Variants in RPL13 observed in about 807,000 individuals in gnomAD.
The protein encoded by RPL13 is ribosomal protein L13.
Under a neutral mutation model 21.4 loss-of-function variants are expected in RPL13, and 1 was observed. The observed-to-expected ratio is 0.05, with a 90% CI of 0.02 to 0.22. The LOEUF is 0.22. Ranked by LOEUF, RPL13 falls within the 10% of genes least tolerant of loss-of-function variation. The pLI is 1.00. For missense variants in RPL13, 289 were observed against 303.0 expected (o/e 0.95, Z 0.34); for synonymous variants, 143 against 120.5 (o/e 1.19, Z -1.23).
rs142209311 is a variant in RPL13 at position 89,560,986 on chromosome 16, C to G, written c.27C>G (p.Val9=). 1 of 1,607,328 alleles carries G rather than the reference C, an allele frequency of 6.2e-7. No individual in the cohort carries two copies. The highest frequency in any genetic ancestry group is 8.5e-7 in the Non-Finnish European group (1 of 1,178,400). MAPSRNGM[V]LKPHFHKDWQ... ...TGGCGCCCAGCCGGAATGGCATGGT[C>G]TTGAAGCCCCACTTCCACAAGGACT... The change falls in exon 2 of 6, where the codon GTC becomes GTG. Residue 9 remains valine, a synonymous_variant. Transcript: ENST00000311528.
At chr16:89,566,101 T>C (rs1018175160), downstream of RPL13, 1 of 152,068 alleles carries the variant, frequency 6.6e-6, no homozygotes, top group African/African-American at 2.4e-5. Context: ...GAAGCGTTGG[T>C]TTTACGGCAG....
rs1307126168 is a variant in RPL13, at chr16:89,563,404, C to T, written c.*362C>T. 6.2e-6 allele frequency: 1 copy of T among 160,508 alleles called. No individual in the cohort carries two copies. Among genetic ancestry groups the T allele is most frequent in the Non-Finnish European group, 1.4e-5 (1 of 73,782 alleles). 9.9% of individuals were successfully genotyped at this position (160,508 alleles called of 1,614,324 possible). A position where few individuals can be genotyped will look rare whatever the true frequency, so the allele number is the denominator to read the frequency against. ...GGGAGTTCAAGACCAGCCTGGCCAA[C>T]ATGTCAGAACTACTAAAAATAAAGA... is the stretch of plus-strand genomic sequence containing the variant. On this transcript the variant is annotated 3_prime_UTR_variant, in exon 6 of 6. Coordinates refer to ENST00000311528, the MANE Select transcript of RPL13 (RefSeq NM_000977.4).
rs2058767458 is a variant in RPL13, at chr16:89,564,343, T to C, written c.*1301T>C. ...AGTAGATGACTTGCAGGCTGTTGGCTACCAGTTTCCTGTCTGAGGTGTATA... is the reference window on the plus strand; with the variant it reads ...AGTAGATGACTTGCAGGCTGTTGGCCACCAGTTTCCTGTCTGAGGTGTATA... On this transcript the variant is annotated 3_prime_UTR_variant, in exon 6 of 6. Coordinates refer to ENST00000311528, the MANE Select transcript of RPL13 (RefSeq NM_000977.4). 6.6e-6 allele frequency: 1 copy of C among 152,234 alleles called. No individual in the cohort carries two copies. Among genetic ancestry groups the C allele is most frequent in the Non-Finnish European group, 1.5e-5 (1 of 68,050 alleles). The allele number at this position is 152,234 out of a possible 1,614,324, so 9.4% of individuals were successfully genotyped here.
chr16:89,562,501 A>C, intron 5 of RPL13, 110 bp downstream of exon 5: 1 of 1,035,320 alleles, frequency 9.7e-7, no homozygotes, highest in Non-Finnish European at 1.4e-6. Flanking sequence ...TAATAGTGGC[A>C]GTTGTGGGTG....
At chr16:89,561,121 T>C (rs2058740404) in intron 2 of RPL13, 58 bp downstream of exon 2, 3 of 1,547,096 alleles carry the variant, frequency 1.9e-6, no homozygotes, top group South Asian at 2.4e-5. Flanking sequence ...CGCCTTGGCT[T>C]GCGGGTGGCC....
At chr16:89,562,298 C>T (rs1486783730) in intron 4 of RPL13, 37 bp from the exon 5 acceptor site, 12 of 1,605,510 alleles carry the variant, frequency 7.5e-6, no homozygotes, top group Non-Finnish European at 9.4e-6. Flanking sequence ...TGCAGCAGTG[C>T]GGCCAACCCC....
At chr16:89,561,180 T>TG in intron 2 of RPL13, 47 bp from the exon 3 acceptor site, 1 of 1,499,522 alleles carries the variant, frequency 6.7e-7, no homozygotes, top group Non-Finnish European at 8.9e-7. Context: ...AGCGCTGGCC[T>TG]GGCGGCCTTA....
At position 89,561,217 on chromosome 16, in the gene RPL13, T is replaced by C. The variant is rs1220562855; in HGVS notation, c.105-10T>C. The stretch of plus-strand genomic sequence containing the variant: ...GCAAGGGTGACCGCCGCTGCGCTTC[T>C]CTCCACCAGACGTAAGGCCCGGCAA... On this transcript the variant is annotated splice_polypyrimidine_tract_variant and intron_variant, in intron 2 of 5. Transcript: ENST00000311528. The C allele has an allele frequency of 6.5e-7, 1 of 1,533,832 alleles. No individual in the cohort carries two copies. The highest frequency in any genetic ancestry group is 2.5e-5 in the East Asian group (1 of 40,524).
intron 2 of RPL13, 40 bp from the exon 3 acceptor site, chr16:89,561,187 C>T (rs757136774): frequency 2.0e-6 from 3 of 1,521,254 alleles, no homozygotes; most frequent in East Asian, 2.5e-5. Context: ...GCCTGGCGGC[C>T]TTAGGCAAGG....
chr16:89,561,254 C>A lies in RPL13; in HGVS notation c.132C>A (p.Arg44=). The A allele has an allele frequency of 7.7e-6, 12 of 1,550,270 alleles. No individual in the cohort carries two copies. Among genetic ancestry groups the A allele is most frequent in the Non-Finnish European group, 1.0e-5 (12 of 1,152,992 alleles). ...GTAAGGCCCGGCAAGCCAAGGCGCG[C>A]CGCATCGCCCCGCGCCCCGCGTCGG... ...RRRKARQAKA[R]RIAPRPASGP... is the part of the protein sequence containing the mutation. The change falls in exon 3 of 6, where the codon CGC becomes CGA. Residue 44 remains arginine, a synonymous_variant. Coordinates refer to ENST00000311528, the MANE Select transcript of RPL13 (RefSeq NM_000977.4).
rs2152414496 is a variant in RPL13 at position 89,561,377 on chromosome 16, T to A, written c.246+9T>A. On this transcript the variant is annotated intron_variant, in intron 3 of 5. Coordinates refer to ENST00000311528, the MANE Select transcript of RPL13 (RefSeq NM_000977.4). ...GCCTGGAGGAGCTCAGGGTGAGTAC[T>A]GGCAGCGCTGCGGTGTCAGGAAGGC... is the stretch of plus-strand genomic sequence containing the variant. 1 of 1,609,678 alleles carries A rather than the reference T, an allele frequency of 6.2e-7. No individual in the cohort carries two copies.
chr16:89,561,114 C>G, intron 2 of RPL13, 51 bp downstream of exon 2: 2 of 1,556,578 alleles, frequency 1.3e-6, no homozygotes, highest in Non-Finnish European at 1.7e-6. Context: ...GCGGCTGCGC[C>G]TTGGCTTGCG....
chr16:89,562,001 C>T (rs750981839), intron 4 of RPL13: 2 of 590,520 alleles, frequency 3.4e-6, no homozygotes, highest in Non-Finnish European at 5.9e-6. Flanking sequence ...GCTTCGTATT[C>T]CAAAATATTT....
rs1471902415 is a variant in RPL13 at position 89,563,501 on chromosome 16, C to T, written c.*459C>T. On this transcript the variant is annotated 3_prime_UTR_variant, in exon 6 of 6. Transcript: ENST00000311528. The stretch of plus-strand genomic sequence containing the variant: ...AGGCAGAGGTGAGGGATCACTTAAC[C>T]CAGGAGGCAGAGGCTGCACTGAGCC... 1 of 152,210 alleles carries T rather than the reference C, an allele frequency of 6.6e-6. No individual in the cohort carries two copies. Among genetic ancestry groups the T allele is most frequent in the Non-Finnish European group, 1.5e-5 (1 of 68,112 alleles). 9.4% of individuals were successfully genotyped at this position (152,210 alleles called of 1,614,324 possible).
chr16:89,566,077 C>CGTGGCCTT (rs1030500910), downstream of RPL13: 3 of 152,212 alleles, frequency 2.0e-5, no homozygotes, highest in African/African-American at 7.2e-5. Context: ...CTGTGGTGCC[C>CGTGGCCTT]GTGGCCTTTT....
In RPL13 at chr16:89,564,073, C is replaced by A. The variant is rs1053526569; in HGVS notation, c.*1031C>A. 6.6e-6 allele frequency: 1 copy of A among 152,268 alleles called. No individual in the cohort carries two copies. Among genetic ancestry groups the A allele is most frequent in the African/African-American group, 2.4e-5 (1 of 41,450 alleles). The allele number at this position is 152,268 out of a possible 1,614,324, so 9.4% of individuals were successfully genotyped here. A position where few individuals can be genotyped will look rare whatever the true frequency, so the allele number is the denominator to read the frequency against. ...GTGCTCAGACACAGCCTGCCCTAGTCCTACCAGCTCACAGCAGCACCTGCT... is the reference window on the plus strand; with the variant it reads ...GTGCTCAGACACAGCCTGCCCTAGTACTACCAGCTCACAGCAGCACCTGCT... On this transcript the variant is annotated 3_prime_UTR_variant, in exon 6 of 6. Transcript: ENST00000311528.
At chr16:89,561,929 G>A (rs2058748045) in intron 4 of RPL13, 178 bp downstream of exon 4, 5 of 721,610 alleles carry the variant, frequency 6.9e-6, no homozygotes, top group South Asian at 1.9e-5. Context: ...AACCTTAATG[G>A]ACATGGCAAG....
chr16:89,561,508 G>C (rs368880697), intron 3 of RPL13, 70 bp from the exon 4 acceptor site: 23 of 1,612,508 alleles, frequency 1.4e-5, no homozygotes, highest in Non-Finnish European at 1.9e-5. Context: ...GATTGCTGAG[G>C]CTTTTCATCC....
intron 2 of RPL13, 82 bp downstream of exon 2, chr16:89,561,145 G>C: frequency 6.6e-7 from 1 of 1,518,034 alleles, no homozygotes; most frequent in African/African-American, 1.4e-5. Flanking sequence ...GCCAGGGCGG[G>C]GGGCGCTGTC....
Sources: allele counts gnomAD v4.1 joint callset, GRCh38; gene constraint gnomAD v4.1.1; transcripts MANE v1.5; gene names NCBI Gene and HGNC (gene_info 2026-07-23, HGNC 2026-07-21).